Variants in SNED1 observed in about 807,000 individuals in gnomAD.
SNED1 encodes sushi, nidogen and EGF-like domain-containing protein 1.
In SNED1, 81 loss-of-function variants were observed where a neutral mutation model predicts 166.7. That is an observed-to-expected ratio of 0.49 (90% CI 0.41 to 0.58). The LOEUF is 0.58. Ranked by LOEUF, SNED1 falls within the 20% of genes least tolerant of loss-of-function variation. The probability of loss-of-function intolerance (pLI) is 0.00; values close to 1 mark genes in which losing one functional copy is unlikely to be tolerated. For missense variants in SNED1, 1,604 were observed against 2,000.2 expected (o/e 0.80, Z 3.78); for synonymous variants, 762 against 822.0 (o/e 0.93, Z 1.25).
chr2:241,053,588 A>G (rs552703102), intron 16 of SNED1, among the ~76,000 whole-genome samples: 3 of 152,296 alleles, frequency 2.0e-5, no homozygotes, highest in East Asian at 1.9e-4. Context: ...CAAACACCCA[A>G]ATACCCACTC....
At chr2:241,067,241 G>A (rs1365810557) in intron 21 of SNED1, among the ~76,000 whole-genome samples, 1 of 152,236 alleles carries the variant, frequency 6.6e-6, no homozygotes, top group Non-Finnish European at 1.5e-5. Flanking sequence ...TCTGCCTGGT[G>A]CATCAGCAGT....
At chr2:241,047,697 G>A (rs2125078395) in intron 8 of SNED1, among the ~76,000 whole-genome samples, 1 of 152,374 alleles carries the variant, frequency 6.6e-6, no homozygotes, top group Admixed American at 6.5e-5. Context: ...GGAGGCCCCT[G>A]GCCCCTGGGT....
Position 241,081,762 on chromosome 2 carries a change from G to A in SNED1, c.4002G>A (p.Gly1334=), listed in dbSNP as rs750422305. ...CAGACGCCCACAGCTGTGACTGCGG[G>A]CCAGGGTTCAAAGGCAGACGCTGCG... ...PGADAHSCDC[G]PGFKGRRCEL... Residue 1334 remains glycine (G), a synonymous_variant, in exon 28 of 32, where the codon GGG becomes GGA. Coordinates refer to ENST00000310397, the MANE Select transcript of SNED1 (RefSeq NM_001080437.3). 3 of 1,601,932 alleles carry A rather than the reference G, an allele frequency of 1.9e-6. No individual in the cohort carries two copies. The highest frequency in any genetic ancestry group is 2.6e-6 in the Non-Finnish European group (3 of 1,174,308).
rs111411813 is a variant in SNED1 at position 241,068,073 on chromosome 2, G to A, written c.3194+126G>A. On this transcript the variant is annotated intron_variant, in intron 22 of 31. Transcript: ENST00000310397. The surrounding 1 kb of genome is among the most constrained non-coding windows in gnomAD (Gnocchi z 5.3). ...GTACCACCTGCCGCTCCTCACCTGAGCGGAGACAAAGGTCTCAGGTGAGCC... is the reference window on the plus strand; with the variant it reads ...GTACCACCTGCCGCTCCTCACCTGAACGGAGACAAAGGTCTCAGGTGAGCC... 23 of 928,000 alleles carry A rather than the reference G, an allele frequency of 2.5e-5. 1 individual carries two copies. The highest frequency in any genetic ancestry group is 2.0e-4 in the African/African-American group (12 of 60,544). 57.5% of individuals were successfully genotyped at this position (928,000 alleles called of 1,614,324 possible).
In SNED1 at chr2:241,052,477, G is replaced by C. The variant is rs781133705; in HGVS notation, c.2083+9G>C. 6 of 1,594,254 alleles carry C rather than the reference G, an allele frequency of 3.8e-6. No individual in the cohort carries two copies. Among genetic ancestry groups the C allele is most frequent in the Admixed American group, 1.7e-5 (1 of 59,208 alleles). On this transcript the variant is annotated intron_variant, in intron 15 of 31. Transcript: ENST00000310397. ...ACGCCGGTGCCAGGCAGGTGAGAGGGTCAGGGGGATCAAGCAGGGTACATG... is the reference window on the plus strand; with the variant it reads ...ACGCCGGTGCCAGGCAGGTGAGAGGCTCAGGGGGATCAAGCAGGGTACATG...
At chr2:241,002,714 G>A (rs2060112371) in intron 1 of SNED1, among the ~76,000 whole-genome samples, 2 of 152,172 alleles carry the variant, frequency 1.3e-5, no homozygotes, top group South Asian at 2.1e-4. Context: ...TGAGGAAACC[G>A]AGGCTCAGAA....
chr2:241,083,272 A>C (rs1198756655), intron 29 of SNED1, among the ~76,000 whole-genome samples: 1 of 152,174 alleles, frequency 6.6e-6, no homozygotes, highest in Admixed American at 6.5e-5. Flanking sequence ...CAGGGCCCCA[A>C]GTCAGGAGTG....
At chr2:241,025,376 A>G (rs1004605451) in intron 1 of SNED1, among the ~76,000 whole-genome samples, 7 of 152,148 alleles carry the variant, frequency 4.6e-5, no homozygotes, top group African/African-American at 7.2e-5. Context: ...CCACTGCCCT[A>G]GACAACACGA....
At chr2:241,004,041 C>T (rs2060148040) in intron 1 of SNED1, among the ~76,000 whole-genome samples, 1 of 152,230 alleles carries the variant, frequency 6.6e-6, no homozygotes, top group African/African-American at 2.4e-5. Context: ...GAAGCTGATG[C>T]ATGTATGGAG....
At chr2:241,083,880 G>C (rs1311284990) in intron 29 of SNED1, among the ~76,000 whole-genome samples, 1 of 145,116 alleles carries the variant, frequency 6.9e-6, no homozygotes, top group African/African-American at 2.6e-5. Flanking sequence ...GGCTGATGTG[G>C]TTGGATTTAA....
At chr2:241,072,437 T>C (rs2062778403) in intron 26 of SNED1, 2 of 358,150 alleles carry the variant, frequency 5.6e-6, no homozygotes, top group Non-Finnish European at 1.1e-5. Flanking sequence ...TTGGCAGGAG[T>C]GAGGCAGGCG....
Position 241,048,363 on chromosome 2 carries a change from G to A in SNED1, c.1322G>A (p.Gly441Glu). 6.2e-7 allele frequency: 1 copy of A among 1,611,644 alleles called. No homozygotes were observed. The highest frequency in any genetic ancestry group is 8.5e-7 in the Non-Finnish European group (1 of 1,179,058). Residue 441 changes from glycine to glutamate, a missense_variant, in exon 9 of 32, where the codon GGG becomes GAG. Transcript: ENST00000310397. ...DACLSAPCHN[G>E]GTCVDADQGY... ...TGCCTCTCGGCCCCTTGCCACAATG[G>A]GGGCACCTGTGTGGATGCGGACCAG...
chr2:241,053,124 C>T lies in SNED1; in HGVS notation c.2084-29C>T, dbSNP rs147347779. 5.3e-4 allele frequency: 852 copies of T among 1,593,998 alleles called. 1 individual carries two copies. The highest frequency in any genetic ancestry group is 2.7e-3 in the African/African-American group (201 of 74,736). ...GGGAGGGGCCAGGAAGGCACAGGAC[C>T]GTGCGAGACAGGCTGCCGTGCCTTG... On this transcript the variant is annotated intron_variant, in intron 15 of 31. Transcript: ENST00000310397.
At chr2:241,037,211 C>T (rs2061403412) in intron 5 of SNED1, 29 bp from the exon 6 acceptor site, 3 of 1,556,662 alleles carry the variant, frequency 1.9e-6, no homozygotes, top group East Asian at 2.3e-5. Context: ...GTTCCCGCCG[C>T]TGAGGCCTCA....
At chr2:241,004,444 C>G (rs2060162205) in intron 1 of SNED1, among the ~76,000 whole-genome samples, 2 of 152,022 alleles carry the variant, frequency 1.3e-5, no homozygotes, top group South Asian at 4.1e-4. Flanking sequence ...TTTGTTACAT[C>G]TGTTCTCTAT....
rs1204452470 is a variant in SNED1 at position 241,033,753 on chromosome 2, G to A, written c.520G>A (p.Val174Met). 2 of 1,611,920 alleles carry A rather than the reference G, an allele frequency of 1.2e-6. No homozygotes were observed. The highest frequency in any genetic ancestry group is 8.5e-7 in the Non-Finnish European group (1 of 1,179,566). ...CCGGCAGGTCAACACATTCCAGACT[G>A]TGCTCATCACAGACGGCAAGCTCTC... ...SSSPVNTFQT[V>M]LITDGKLSFT... The change falls in exon 3 of 32, where the codon GTG (valine) becomes ATG (methionine). Residue 174 changes from valine (V) to methionine (M), a missense_variant. Physicochemically the swap from Val to Met is conservative, Grantham distance 21 (BLOSUM62 1). Transcript: ENST00000310397.
intron 8 of SNED1, among the ~76,000 whole-genome samples, chr2:241,044,650 A>C (rs532699536): frequency 1.3e-5 from 2 of 152,352 alleles, no homozygotes; most frequent in South Asian, 4.1e-4. Context: ...GAAGCCCTCT[A>C]GTCCAGCTTA....
At position 241,071,628 on chromosome 2, in the gene SNED1, G is replaced by A; in HGVS notation, c.3642G>A (p.Arg1214=). The change falls in exon 25 of 32, where the codon CGG becomes CGA. Residue 1214 remains arginine, a synonymous_variant. Transcript: ENST00000310397. ...GGCACCAGGGAGGACACCACCCTCG[G>A]GTGCTCAAGAACAGACCGCCCCCGG... ...RRWHQGGHHP[R]VLKNRPPPAR... is the part of the protein sequence containing the mutation. 1.3e-6 allele frequency: 2 copies of A among 1,586,430 alleles called. No homozygotes were observed. The highest frequency in any genetic ancestry group is 2.3e-5 in the East Asian group (1 of 44,066).
intron 1 of SNED1, among the ~76,000 whole-genome samples, chr2:241,011,145 C>T (rs889242451): frequency 6.7e-6 from 1 of 148,736 alleles, no homozygotes; most frequent in African/African-American, 2.5e-5. Context: ...TCCTGGTTCT[C>T]CTGGGTCTCC....
Sources: allele counts gnomAD v4.1 joint callset (sites outside exome capture counted in the v4.1 genomes callset), GRCh38; gene constraint gnomAD v4.1.1; non-coding constraint Gnocchi (gnomAD v3.1); transcripts MANE v1.5; gene names NCBI Gene and HGNC (gene_info 2026-07-23, HGNC 2026-07-21).